NCOA1: variants seen among roughly 807,000 people sequenced by gnomAD.
NCOA1 encodes the protein nuclear receptor coactivator 1.
Under a neutral mutation model 150.9 loss-of-function variants are expected in NCOA1, and 35 were observed. That is an observed-to-expected ratio of 0.23 (90% CI 0.18 to 0.31). The LOEUF is 0.31. Ranked by LOEUF, NCOA1 falls within the 10% of genes least tolerant of loss-of-function variation. NCOA1 has a pLI of 1.00. For synonymous variants in NCOA1, 590 were observed against 630.0 expected (o/e 0.94, Z 0.95); for missense variants, 1,491 against 1,749.3 (o/e 0.85, Z 2.63).
In NCOA1 at chr2:24,587,033, T is replaced by G. The variant is rs950538981; in HGVS notation, c.-175+2473T>G. On this transcript the variant is annotated intron_variant, in intron 3 of 22. Coordinates refer to ENST00000348332, the MANE Select transcript of NCOA1 (RefSeq NM_003743.5). Reference sequence around the variant, plus strand: ...ACAGAAGGACAGGTTTCTCTTAGGCTTTCAGATGTGCTGCCTCAGTAGTGC... The same window carrying G: ...ACAGAAGGACAGGTTTCTCTTAGGCGTTCAGATGTGCTGCCTCAGTAGTGC... Among the ~76,000 whole-genome samples, 101 of 152,188 alleles carry G rather than the reference T, an allele frequency of 6.6e-4. 2 individuals carry two copies. Among genetic ancestry groups the G allele is most frequent in the African/African-American group, 2.2e-3 (93 of 41,506 alleles).
At chr2:24,678,051 A>G (rs990380527) in intron 7 of NCOA1, among the ~76,000 whole-genome samples, 1 of 151,958 alleles carries the variant, frequency 6.6e-6, no homozygotes, top group Non-Finnish European at 1.5e-5. Context: ...CCTGCCCCCA[A>G]CAGGCCTCAG....
chr2:24,615,704 T>C (rs1489477116), intron 3 of NCOA1, among the ~76,000 whole-genome samples: 3 of 152,226 alleles, frequency 2.0e-5, no homozygotes, highest in African/African-American at 7.2e-5. Context: ...AGTTAACTTA[T>C]CTATATAATC....
chr2:24,682,703 C>G (rs1167714552), intron 7 of NCOA1, among the ~76,000 whole-genome samples: 1 of 152,118 alleles, frequency 6.6e-6, no homozygotes, highest in Non-Finnish European at 1.5e-5. Flanking sequence ...CTTTGACCCC[C>G]ACCCTGATCC....
At chr2:24,667,291 T>C (rs1671474811) in intron 6 of NCOA1, among the ~76,000 whole-genome samples, 1 of 151,914 alleles carries the variant, frequency 6.6e-6, no homozygotes, top group Non-Finnish European at 1.5e-5. Context: ...CTCCCTAAAT[T>C]GGGGGTGGCA....
chr2:24,712,697 G>A (rs1396498822), intron 14 of NCOA1, among the ~76,000 whole-genome samples: 7 of 145,384 alleles, frequency 4.8e-5, no homozygotes, highest in African/African-American at 1.8e-4. Flanking sequence ...ATTTTAGAAA[G>A]ATAAAAATGT....
chr2:24,572,630 T>C lies in NCOA1; in HGVS notation c.-260+8200T>C, dbSNP rs562597995. Reference sequence around the variant, plus strand: ...ACCTGGGATAGCTAGTTAAAAGTTATGGTATTTTTCTGTACTCCATCACCT... The same window carrying C: ...ACCTGGGATAGCTAGTTAAAAGTTACGGTATTTTTCTGTACTCCATCACCT... On this transcript the variant is annotated intron_variant, in intron 2 of 22. Coordinates refer to ENST00000348332, the MANE Select transcript of NCOA1 (RefSeq NM_003743.5). Among the ~76,000 whole-genome samples the C allele has an allele frequency of 2.3e-4, 35 of 152,290 alleles. No individual in the cohort carries two copies. In the South Asian group the frequency reaches 5.4e-3, roughly 23 times the overall value.
chr2:24,625,371 A>G (rs1291169627), intron 3 of NCOA1, among the ~76,000 whole-genome samples: 2 of 151,734 alleles, frequency 1.3e-5, no homozygotes, highest in East Asian at 1.9e-4. Context: ...CCTCAAAAAA[A>G]AAAAAAAAAA....
chr2:24,764,445 T>C (rs989043736), intron 22 of NCOA1, among the ~76,000 whole-genome samples: 1 of 152,142 alleles, frequency 6.6e-6, no homozygotes, highest in African/African-American at 2.4e-5. Context: ...TTGCAAGAGA[T>C]AGAGCTGAGC....
intron 2 of NCOA1, among the ~76,000 whole-genome samples, chr2:24,576,089 C>G (rs1666941934): frequency 6.8e-6 from 1 of 147,910 alleles, no homozygotes; most frequent in Non-Finnish European, 1.5e-5. Flanking sequence ...TTACTCTACC[C>G]TATTGGAATA....
In NCOA1 at chr2:24,491,496, A is replaced by G. The variant is rs1357250869; in HGVS notation, c.-502A>G. 2.5e-3 allele frequency among the ~76,000 whole-genome samples: 2 copies of G among 810 alleles called. No homozygotes were observed. Among genetic ancestry groups the G allele is most frequent in the East Asian group, 0.038 (1 of 26 alleles). The allele number at this position is 810 out of a possible 152,430, so 0.5% of individuals were successfully genotyped here. A position where few individuals can be genotyped will look rare whatever the true frequency, so the allele number is the denominator to read the frequency against. The stretch of plus-strand genomic sequence containing the variant: ...CCTGCTCCGGAGGAGGGGGCCGGAG[A>G]GCCGCGGCGCCGGGCCCGAGGAGCG... On this transcript the variant is annotated 5_prime_UTR_variant, in exon 1 of 23. Transcript: ENST00000348332.
chr2:24,617,155 T>C (rs769372100), intron 3 of NCOA1, among the ~76,000 whole-genome samples: 5 of 152,152 alleles, frequency 3.3e-5, no homozygotes, highest in Non-Finnish European at 7.4e-5. Context: ...TAAAAGCATG[T>C]TGCTCCAATG....
chr2:24,569,552 ATTTTTTTTTTT>A (rs200639064), intron 2 of NCOA1, among the ~76,000 whole-genome samples: 1 of 93,794 alleles, frequency 1.1e-5, no homozygotes, highest in African/African-American at 4.0e-5. Flanking sequence ...GGTTTTATTA[ATTTTTTTTTTT>A]TTTTTTTTTT....
At chr2:24,736,901 T>C (rs993921956) in intron 17 of NCOA1, among the ~76,000 whole-genome samples, 1 of 152,206 alleles carries the variant, frequency 6.6e-6, no homozygotes, top group Non-Finnish European at 1.5e-5. Flanking sequence ...GATAATCATC[T>C]TTTAGGTTTC....
intron 1 of NCOA1, 165 bp downstream of exon 1, chr2:24,491,767 C>A: frequency 6.6e-6 from 1 of 152,100 alleles, no homozygotes; most frequent in Non-Finnish European, 1.5e-5. Context: ...CCCCTCGCGG[C>A]CCGGCGCGGC....
At position 24,711,097 on chromosome 2, in the gene NCOA1, C is replaced by T. The variant is rs1673726387; in HGVS notation, c.2585C>T (p.Thr862Ile). 1.2e-6 allele frequency: 2 copies of T among 1,613,654 alleles called. No homozygotes were observed. Among genetic ancestry groups the T allele is most frequent in the East Asian group, 4.5e-5 (2 of 44,882 alleles). The change falls in exon 14 of 23, where the codon ACT becomes ATT. Residue 862 changes from threonine (T) to isoleucine (I), a missense_variant. Physicochemically the swap from Thr to Ile is moderately conservative, Grantham distance 89. Transcript: ENST00000348332. Reference sequence around the variant, plus strand: ...CTTCAGTCCGCCACTGCCAGACCCACTTCCAGGCTAAATAGTATGTTCTGG... The same window carrying T: ...CTTCAGTCCGCCACTGCCAGACCCATTTCCAGGCTAAATAGTATGTTCTGG... ...ASLQSATARPTSRLNRLPELE... is the reference protein window; with the variant it reads ...ASLQSATARPISRLNRLPELE...
chr2:24,559,907 A>C (rs1024268024), intron 1 of NCOA1, among the ~76,000 whole-genome samples: 1 of 152,076 alleles, frequency 6.6e-6, no homozygotes, highest in Admixed American at 6.6e-5. Flanking sequence ...CCCTGAAGCA[A>C]TGGATTTTTG....
intron 1 of NCOA1, among the ~76,000 whole-genome samples, chr2:24,494,187 G>T (rs1269831817): frequency 6.6e-6 from 1 of 152,194 alleles, no homozygotes; most frequent in Non-Finnish European, 1.5e-5. Flanking sequence ...TGGAGTGGTG[G>T]AGAGAGGGTA....
intron 1 of NCOA1, among the ~76,000 whole-genome samples, chr2:24,520,917 T>TCTTTAACCAAACTAGCAA (rs6146684): frequency 1.8e-4 from 28 of 151,856 alleles, no homozygotes; most frequent in Non-Finnish European, 2.9e-5. Context: ...CCTTGCTCAT[T>TCTTTAACCAAACTAGCAA]CTTTGCTGTT....
intron 1 of NCOA1, among the ~76,000 whole-genome samples, chr2:24,517,521 T>G (rs1388403559): frequency 2.0e-5 from 3 of 152,208 alleles, no homozygotes; most frequent in South Asian, 2.1e-4. Context: ...TGACAGGGTG[T>G]TGTTGCCACT....
Sources: allele counts gnomAD v4.1 joint callset (sites outside exome capture counted in the v4.1 genomes callset), GRCh38; gene constraint gnomAD v4.1.1; transcripts MANE v1.5; gene names NCBI Gene and HGNC (gene_info 2026-07-23, HGNC 2026-07-21).